The following PRRX2 variants were observed in gnomAD, a reference collection of about 807,000 sequenced individuals.
The protein encoded by PRRX2 is paired related homeobox 2, also known as paired mesoderm homeobox protein 2.
A neutral mutation model predicts 18.0 loss-of-function variants in PRRX2; 11 were observed. The observed-to-expected ratio is 0.61, with a 90% CI of 0.39 to 1.01. The LOEUF (loss-of-function observed/expected upper bound fraction) is 1.01. Ranked by LOEUF, PRRX2 falls within the 50% of genes least tolerant of loss-of-function variation. The probability of loss-of-function intolerance (pLI) is 0.01; values close to 1 mark genes in which losing one functional copy is unlikely to be tolerated. For synonymous variants in PRRX2, 177 were observed against 154.8 expected, an observed-to-expected ratio of 1.14 and a Z score of -1.06; for missense variants, 387 against 351.0, an observed-to-expected ratio of 1.10 and a Z score of -0.82.
chr9:129,683,538 G>A (rs534053255), intron 1 of PRRX2, among the ~76,000 whole-genome samples: 5 of 152,034 alleles, frequency 3.3e-5, no homozygotes, highest in East Asian at 1.9e-4. Context: ...GATCGAGACC[G>A]TCCTGGCTAA....
At chr9:129,678,127 C>T (rs1832184388) in intron 1 of PRRX2, among the ~76,000 whole-genome samples, 1 of 151,486 alleles carries the variant, frequency 6.6e-6, no homozygotes, top group Admixed American at 6.6e-5. Flanking sequence ...CCATGCCTGG[C>T]ACATTTTTGT....
intron 1 of PRRX2, among the ~76,000 whole-genome samples, chr9:129,696,641 C>T (rs1160665642): frequency 1.3e-5 from 2 of 152,144 alleles, no homozygotes; most frequent in Non-Finnish European, 2.9e-5. Context: ...ACCCTCGGTT[C>T]CCGGTTTGAT....
chr9:129,691,550 C>G (rs1333583924), intron 1 of PRRX2, among the ~76,000 whole-genome samples: 1 of 152,014 alleles, frequency 6.6e-6, no homozygotes, highest in African/African-American at 2.4e-5. Flanking sequence ...TATGTTGTGG[C>G]TTGAAATTGG....
chr9:129,708,039 C>G (rs75626819), intron 1 of PRRX2, among the ~76,000 whole-genome samples: 12,811 of 152,120 alleles, frequency 0.084, 758 homozygotes, highest in African/African-American at 0.16. Flanking sequence ...TATCAGGCCA[C>G]CTGCCCTGGC....
chr9:129,675,852 C>G lies in PRRX2; in HGVS notation c.259+9726C>G, dbSNP rs1256341287. ...CGCCGCCAGAGCTCTGCGCGGGCCT[C>G]CCGTATAAAACCCCGCAGAACGCCG... On this transcript the variant is annotated intron_variant, in intron 1 of 3. Coordinates refer to ENST00000372469, the MANE Select transcript of PRRX2 (RefSeq NM_016307.4). The surrounding 1 kb of genome is among the most constrained non-coding windows in gnomAD (Gnocchi z 4.4). 6.6e-6 allele frequency among the ~76,000 whole-genome samples: 1 copy of G among 152,206 alleles called. No homozygotes were observed. The highest frequency in any genetic ancestry group is 1.5e-5 in the Non-Finnish European group (1 of 68,028).
chr9:129,714,559 C>T (rs1468986464), intron 1 of PRRX2, among the ~76,000 whole-genome samples: 3 of 152,144 alleles, frequency 2.0e-5, no homozygotes, highest in East Asian at 1.9e-4. Flanking sequence ...TGCCTTGGCA[C>T]GACCCTGGGC....
chr9:129,722,429 C>T lies in PRRX2; in HGVS notation c.*77C>T. ...AAGGGGGCAGACGCCCAGGAAGTGA[C>T]CTTCTCCTGGATGAGCTCTCCTGGC... is the stretch of plus-strand genomic sequence containing the variant. On this transcript the variant is annotated 3_prime_UTR_variant, in exon 4 of 4. Coordinates refer to ENST00000372469, the MANE Select transcript of PRRX2 (RefSeq NM_016307.4). 1 of 1,537,084 alleles carries T rather than the reference C, an allele frequency of 6.5e-7. No individual in the cohort carries two copies. Among genetic ancestry groups the T allele is most frequent in the Non-Finnish European group, 8.8e-7 (1 of 1,136,076 alleles).
chr9:129,713,636 C>CT (rs1014664199), intron 1 of PRRX2, among the ~76,000 whole-genome samples: 83 of 144,228 alleles, frequency 5.8e-4, no homozygotes, highest in Non-Finnish European at 6.9e-4. Flanking sequence ...TTTTTTCTTT[C>CT]TTTTTTTTTT....
chr9:129,716,028 G>A (rs942704929), intron 1 of PRRX2, among the ~76,000 whole-genome samples: 1 of 152,042 alleles, frequency 6.6e-6, no homozygotes, highest in African/African-American at 2.4e-5. Flanking sequence ...AAAATACAAG[G>A]TATGGACTAA....
chr9:129,716,994 T>C (rs2130934963), intron 1 of PRRX2, among the ~76,000 whole-genome samples: 1 of 152,232 alleles, frequency 6.6e-6, no homozygotes, highest in African/African-American at 2.4e-5. Context: ...AGAGGTAAGT[T>C]GAAGCCCCAG....
chr9:129,676,987 G>C (rs1832168711), intron 1 of PRRX2, among the ~76,000 whole-genome samples: 1 of 152,208 alleles, frequency 6.6e-6, no homozygotes, highest in Admixed American at 6.5e-5. Flanking sequence ...CTAAGAGACT[G>C]TATGTTAAAC....
At position 129,666,207 on chromosome 9, in the gene PRRX2, G is replaced by A. The variant is rs1035089113; in HGVS notation, c.259+81G>A. ...GGGGCGCGGGGTCCGGGGAGCCGGC[G>A]CGGGGCGGGCGAAGATGCAGGGCGC... On this transcript the variant is annotated intron_variant, in intron 1 of 3. Transcript: ENST00000372469. 9.4e-6 allele frequency: 9 copies of A among 952,750 alleles called. No homozygotes were observed. In the African/African-American group the frequency reaches 1.4e-4, roughly 15 times the overall value. 59.0% of individuals were successfully genotyped at this position (952,750 alleles called of 1,614,324 possible). A position where few individuals can be genotyped will look rare whatever the true frequency, so the allele number is the denominator to read the frequency against.
intron 1 of PRRX2, among the ~76,000 whole-genome samples, chr9:129,716,514 G>C (rs1353604851): frequency 2.6e-5 from 4 of 151,356 alleles, no homozygotes; most frequent in Non-Finnish European, 5.9e-5. Flanking sequence ...GAGTGCAGTG[G>C]TACGGTACCG....
At chr9:129,703,559 C>G (rs1382714951) in intron 1 of PRRX2, among the ~76,000 whole-genome samples, 1 of 152,166 alleles carries the variant, frequency 6.6e-6, no homozygotes, top group Non-Finnish European at 1.5e-5. Context: ...CTCTCTGAAT[C>G]TCATTGCCCC....
At chr9:129,684,086 C>T (rs1301693576) in intron 1 of PRRX2, among the ~76,000 whole-genome samples, 1 of 152,160 alleles carries the variant, frequency 6.6e-6, no homozygotes, top group Non-Finnish European at 1.5e-5. Context: ...GTCCACCAGT[C>T]CCTCTGGCAC....
chr9:129,697,518 G>A (rs1832442051), intron 1 of PRRX2, among the ~76,000 whole-genome samples: 1 of 151,074 alleles, frequency 6.6e-6, no homozygotes, highest in African/African-American at 2.4e-5. Context: ...CGCTCTGGCC[G>A]CCACCAGCGC....
intron 1 of PRRX2, among the ~76,000 whole-genome samples, chr9:129,714,580 T>C (rs940625867): frequency 6.6e-6 from 1 of 152,000 alleles, no homozygotes; most frequent in Non-Finnish European, 1.5e-5. Context: ...AGAGCTGACT[T>C]GGGAAGCAGT....
At chr9:129,693,879 G>A (rs10819559) in intron 1 of PRRX2, among the ~76,000 whole-genome samples, 27,767 of 152,142 alleles carry the variant, frequency 0.18, 4,040 homozygotes, top group African/African-American at 0.4. Context: ...TTCCCAAAAT[G>A]AGCGTGTCAA....
chr9:129,697,305 G>A (rs570996154), intron 1 of PRRX2, among the ~76,000 whole-genome samples: 339 of 152,194 alleles, frequency 2.2e-3, no homozygotes, highest in Non-Finnish European at 2.6e-3. Context: ...GGGCTGCAGG[G>A]GAGCGCTGCG....
Sources: allele counts gnomAD v4.1 joint callset (sites outside exome capture counted in the v4.1 genomes callset), GRCh38; gene constraint gnomAD v4.1.1; non-coding constraint Gnocchi (gnomAD v3.1); transcripts MANE v1.5; gene names NCBI Gene and HGNC (gene_info 2026-07-23, HGNC 2026-07-21).